Variants in PURG observed in about 807,000 individuals in gnomAD.
PURG encodes the protein purine rich element binding protein G, also known as purine-rich element-binding protein gamma.
Under a neutral mutation model 24.3 loss-of-function variants are expected in PURG, and 3 were observed. That is an observed-to-expected ratio of 0.12 (90% CI 0.06 to 0.32). The LOEUF (loss-of-function observed/expected upper bound fraction) is 0.32. Among genes scored for constraint, PURG ranks in the 10% least tolerant of loss-of-function variants. The pLI is 1.00. For missense variants in PURG, 371 were observed against 439.1 expected (o/e 0.84, Z 1.39); for synonymous variants, 180 against 173.1 (o/e 1.04, Z -0.31).
chr8:31,020,812 C>T (rs1810976279), intron 1 of PURG, among the ~76,000 whole-genome samples: 1 of 152,188 alleles, frequency 6.6e-6, no homozygotes, highest in Non-Finnish European at 1.5e-5. Context: ...ATCTCATCAG[C>T]TGACAGCAGT....
At position 30,999,164 on chromosome 8, in the gene PURG, T is replaced by A. The variant is rs2129766266; in HGVS notation, c.865-2467A>T. Among the ~76,000 whole-genome samples, 4 of 151,908 alleles carry A rather than the reference T, an allele frequency of 2.6e-5. 1 individual carries two copies. The South Asian group carries it at 8.3e-4, about 31-fold the overall frequency. On this transcript the variant is annotated intron_variant, in intron 1 of 1. Transcript: ENST00000339382. ...CATTTCTCTTTAGGGGATATGGGTG[T>A]GTTTTAAGCACTTCTGTGTACTTAG...
At chr8:31,015,597 C>A (rs1322047868) in intron 1 of PURG, among the ~76,000 whole-genome samples, 1 of 152,138 alleles carries the variant, frequency 6.6e-6, no homozygotes, top group Non-Finnish European at 1.5e-5. Context: ...AGTATGAAAC[C>A]AGTGGACTGA....
At chr8:31,009,446 A>C (rs953888574) in intron 1 of PURG, among the ~76,000 whole-genome samples, 1 of 152,116 alleles carries the variant, frequency 6.6e-6, no homozygotes, top group African/African-American at 2.4e-5. Flanking sequence ...AAAACAAAAC[A>C]AAACAACAAA....
intron 1 of PURG, among the ~76,000 whole-genome samples, chr8:31,007,968 T>C (rs1810686738): frequency 6.6e-6 from 1 of 152,244 alleles, no homozygotes; most frequent in Non-Finnish European, 1.5e-5. Flanking sequence ...ATTTTAATTT[T>C]GATGGAGTCT....
exon 2 of PURG, chr8:30,996,025 G>A (rs1810421533): frequency 6.6e-6 from 1 of 151,802 alleles, no homozygotes; most frequent in African/African-American, 2.4e-5. Flanking sequence ...TGAAAAACTT[G>A]GAACATAAAA....
chr8:31,020,003 T>C (rs2129822875), intron 1 of PURG, among the ~76,000 whole-genome samples: 1 of 151,996 alleles, frequency 6.6e-6, no homozygotes. Context: ...AAACCCTGTT[T>C]CTACCAAGAA....
chr8:31,012,253 G>T (rs1431327454), intron 1 of PURG, among the ~76,000 whole-genome samples: 1 of 152,198 alleles, frequency 6.6e-6, no homozygotes. Context: ...GTTTTAGGTT[G>T]TGTGTCTAAA....
intron 1 of PURG, among the ~76,000 whole-genome samples, chr8:31,004,450 C>T (rs1475070857): frequency 6.6e-6 from 1 of 152,156 alleles, no homozygotes; most frequent in African/African-American, 2.4e-5. Flanking sequence ...AATCCCAGAA[C>T]TTTGGAAGCC....
downstream of PURG, among the ~76,000 whole-genome samples, chr8:31,026,622 G>A (rs1585367833): frequency 3.0e-5 from 4 of 131,542 alleles, no homozygotes; most frequent in South Asian, 1.0e-3. Context: ...GTTTTCATCT[G>A]TATGTTTTAA....
At chr8:31,022,700 A>G (rs1003050808) in intron 1 of PURG, among the ~76,000 whole-genome samples, 10 of 152,222 alleles carry the variant, frequency 6.6e-5, no homozygotes, top group Non-Finnish European at 1.3e-4. Flanking sequence ...CTATTTTTAC[A>G]ACTGATTATA....
chr8:31,023,527 A>T (rs1050616529), intron 1 of PURG, among the ~76,000 whole-genome samples: 1 of 151,370 alleles, frequency 6.6e-6, no homozygotes, highest in Non-Finnish European at 1.5e-5. Context: ...CCTGGGCGAT[A>T]GAGTGAGACT....
At chr8:31,009,368 G>C (rs1002323113) in intron 1 of PURG, among the ~76,000 whole-genome samples, 2 of 152,206 alleles carry the variant, frequency 1.3e-5, no homozygotes, top group African/African-American at 4.8e-5. Context: ...GGAGGTTGCA[G>C]TGAGCTGAGA....
At chr8:31,002,523 G>T (rs1393964988) in intron 1 of PURG, among the ~76,000 whole-genome samples, 2 of 152,110 alleles carry the variant, frequency 1.3e-5, no homozygotes, top group Non-Finnish European at 2.9e-5. Context: ...TCTCTCTGAA[G>T]CCCAGGCTGG....
downstream of PURG, among the ~76,000 whole-genome samples, chr8:31,026,637 A>AAT (rs397791712): frequency 0.42 from 54,227 of 128,160 alleles, 10,610 homozygotes; most frequent in South Asian, 0.48. Context: ...TTTTAAAAAG[A>AAT]ATATATATAT....
Position 30,996,749 on chromosome 8 carries a change from G to A in PURG, c.865-52C>T, listed in dbSNP as rs754318103. On this transcript the variant is annotated intron_variant, in intron 1 of 1. Transcript: ENST00000339382. The stretch of plus-strand genomic sequence containing the variant: ...TAGCAAACATGAAGTTTTCAAGGGA[G>A]TTCCACTATTTTCACAGTACAAACC... 5.9e-6 allele frequency: 8 copies of A among 1,358,014 alleles called. No homozygotes were observed. In the African/African-American group the frequency reaches 8.6e-5, roughly 15 times the overall value. 84.1% of individuals were successfully genotyped at this position (1,358,014 alleles called of 1,614,324 possible).
chr8:31,015,339 A>G (rs1810840071), intron 1 of PURG, among the ~76,000 whole-genome samples: 1 of 152,178 alleles, frequency 6.6e-6, no homozygotes, highest in Non-Finnish European at 1.5e-5. Flanking sequence ...TTTTTTAACC[A>G]CAATTGAAAA....
chr8:31,018,594 A>T lies in PURG; in HGVS notation c.864+13325T>A, dbSNP rs971276903. Among the ~76,000 whole-genome samples the T allele has an allele frequency of 7.9e-5, 12 of 152,314 alleles. No individual in the cohort carries two copies. The East Asian group carries it at 9.7e-4, about 12-fold the overall frequency. On this transcript the variant is annotated intron_variant, in intron 1 of 1. Coordinates refer to the PURG transcript ENST00000339382. ...TAATGCAAATGAATAGAGAATTTTT[A>T]AAAAAGTTACATTGCCTGTAATGAT...
In PURG at chr8:31,033,176, G is replaced by GCCCCCCGCCTCCT. The variant is rs1811291035; in HGVS notation, c.-118_-106dup. 8 of 202,014 alleles carry GCCCCCCGCCTCCT rather than the reference G, an allele frequency of 4.0e-5. No homozygotes were observed. The highest frequency in any genetic ancestry group is 7.8e-5 in the Non-Finnish European group (8 of 102,448). The allele number at this position is 202,014 out of a possible 1,614,324, so 12.5% of individuals were successfully genotyped here. A position where few individuals can be genotyped will look rare whatever the true frequency, so the allele number is the denominator to read the frequency against. On this transcript the variant is annotated 5_prime_UTR_variant, in exon 1 of 2. It introduces an in-frame stop codon into an upstream open reading frame of the 5' UTR. Coordinates refer to ENST00000523392, the MANE Select transcript of PURG (RefSeq NM_001323311.2). ...CTCTGCTGCAGCCGCCGCAGCCGCCGCCCCCCGCCTCCTCCCCCGCCGCCG... is the reference window on the plus strand; with the variant it reads ...CTCTGCTGCAGCCGCCGCAGCCGCCGCCCCCCGCCTCCTCCCCCCGCCTCCTCCCCCGCCGCCG...
intron 1 of PURG, among the ~76,000 whole-genome samples, chr8:31,002,574 C>T (rs1810559368): frequency 6.6e-6 from 1 of 152,128 alleles, no homozygotes; most frequent in Non-Finnish European, 1.5e-5. Context: ...ACCTCTGTCT[C>T]CTGGGTTCAA....
Sources: gnomAD v4.1 joint callset for allele counts (sites outside exome capture counted in the v4.1 genomes callset) on GRCh38, gnomAD v4.1.1 for gene constraint, MANE v1.5 for transcripts, NCBI Gene and HGNC (gene_info 2026-07-23, HGNC 2026-07-21) for gene names.